The following CELF2 variants were observed in gnomAD, a reference collection of about 807,000 sequenced individuals.
The protein encoded by CELF2 is CUGBP Elav-like family member 2.
In CELF2, 8 loss-of-function variants were observed where a neutral mutation model predicts 62.6. The ratio of observed to expected loss-of-function variants is 0.13; its 90% CI spans 0.07 to 0.23. CELF2 has a LOEUF of 0.23. Ranked by LOEUF, CELF2 falls within the 10% of genes least tolerant of loss-of-function variation. The probability of loss-of-function intolerance (pLI) is 1.00; values close to 1 mark genes in which losing one functional copy is unlikely to be tolerated. For synonymous variants in CELF2, 258 were observed against 250.0 expected, an observed-to-expected ratio of 1.03 and a Z score of -0.30; for missense variants, 333 against 671.0, an observed-to-expected ratio of 0.50 and a Z score of 5.56.
chr10:11,252,987 A>G (rs193280428), intron 4 of CELF2, among the ~76,000 whole-genome samples: 17 of 152,200 alleles, frequency 1.1e-4, no homozygotes, highest in East Asian at 5.8e-4. Context: ...TTCATCCTCT[A>G]TGCCATCCAG....
At position 11,087,180 on chromosome 10, in the gene CELF2, G is replaced by C. The variant is rs527970294; in HGVS notation, c.74+69017G>C. 3.9e-5 allele frequency among the ~76,000 whole-genome samples: 6 copies of C among 152,276 alleles called. No individual in the cohort carries two copies. The South Asian group carries it at 6.2e-4, about 16-fold the overall frequency. On this transcript the variant is annotated intron_variant, in intron 1 of 12. Coordinates refer to ENST00000633077, the MANE Select transcript of CELF2 (RefSeq NM_001326342.2). ...AGAATGTTTGCTGAGTTTGAATTCT[G>C]TTATCTTCCCAGGGTTTATGGACGA...
the CELF2 span, among the ~76,000 whole-genome samples, chr10:10,771,483 G>C: frequency 1.6e-4 from 24 of 152,252 alleles, no homozygotes; most frequent in African/African-American, 5.8e-4. Flanking sequence ...CTGCTGATAC[G>C]GTTTGGCTGT....
chr10:11,200,297 G>A (rs546478927), intron 2 of CELF2, among the ~76,000 whole-genome samples: 49 of 152,250 alleles, frequency 3.2e-4, no homozygotes, highest in African/African-American at 1.1e-3. Context: ...CCTCCATTCT[G>A]TCTATTAATT....
At chr10:10,882,892 T>C (rs2061522541) in intron 1 of CELF2, among the ~76,000 whole-genome samples, 1 of 152,212 alleles carries the variant, frequency 6.6e-6, no homozygotes, top group Non-Finnish European at 1.5e-5. Context: ...GAATCTTCTG[T>C]TATAATAATA....
At chr10:11,072,472 T>C (rs2070403171) in intron 1 of CELF2, among the ~76,000 whole-genome samples, 1 of 152,224 alleles carries the variant, frequency 6.6e-6, no homozygotes, top group South Asian at 2.1e-4. Context: ...CAGTCAGTGC[T>C]CACTTTGTGA....
rs528730408 is a variant in CELF2, at chr10:11,224,758, C to T, written c.354+7251C>T. ...TGAGCGTAACTCAGGAGATGATGTC[C>T]AGGTGAAGTGCGCTCGTGAGTTCGG... On this transcript the variant is annotated intron_variant, in intron 3 of 12. Transcript: ENST00000633077. The surrounding 1 kb of genome is among the most constrained non-coding windows in gnomAD (Gnocchi z 4.5). 6.6e-6 allele frequency among the ~76,000 whole-genome samples: 1 copy of T among 152,180 alleles called. No homozygotes were observed. The highest frequency in any genetic ancestry group is 6.5e-5 in the Admixed American group (1 of 15,270).
At chr10:10,966,737 G>T (rs1040066790) in intron 2 of CELF2, 1 of 152,228 alleles carries the variant, frequency 6.6e-6, no homozygotes, top group African/African-American at 2.4e-5. Flanking sequence ...ACCAGAGGCT[G>T]GCCTGAATCA....
intron 5 of CELF2, among the ~76,000 whole-genome samples, chr10:11,264,456 C>T (rs2081595691): frequency 6.6e-6 from 1 of 152,236 alleles, no homozygotes; most frequent in African/African-American, 2.4e-5. Context: ...ATCTTCTTGA[C>T]TATTAAAAAC....
At chr10:11,256,636 C>A (rs1400564394) in intron 4 of CELF2, among the ~76,000 whole-genome samples, 1 of 129,646 alleles carries the variant, frequency 7.7e-6, no homozygotes, top group African/African-American at 3.0e-5. Flanking sequence ...AGAAGCAGGA[C>A]TTCTCCCCGT....
At chr10:10,846,691 G>A (rs969508948) in intron 1 of CELF2, among the ~76,000 whole-genome samples, 5 of 152,230 alleles carry the variant, frequency 3.3e-5, no homozygotes, top group African/African-American at 1.2e-4. Context: ...TCTACCTAGA[G>A]CTCACATTTA....
chr10:11,002,539 G>T (rs2054622159), upstream of CELF2, among the ~76,000 whole-genome samples: 1 of 152,144 alleles, frequency 6.6e-6, no homozygotes, highest in African/African-American at 2.4e-5. The surrounding 1 kb of genome is among the most constrained non-coding windows in gnomAD (Gnocchi z 4.4). Flanking sequence ...AAAGGGGCAG[G>T]CCCAGCAGTC....
At chr10:10,750,919 C>T in the CELF2 span, among the ~76,000 whole-genome samples, 1 of 152,162 alleles carries the variant, frequency 6.6e-6, no homozygotes, top group Admixed American at 6.5e-5. Flanking sequence ...ATTCTTATTC[C>T]AACTTAGACA....
At chr10:10,691,788 G>A in the CELF2 span, among the ~76,000 whole-genome samples, 1 of 146,510 alleles carries the variant, frequency 6.8e-6, no homozygotes, top group Non-Finnish European at 1.5e-5. Context: ...TGTGTTTTTT[G>A]GCTGCATAAA....
chr10:11,319,637 T>C lies in CELF2; in HGVS notation c.1097-1552T>C, dbSNP rs747167236. Among the ~76,000 whole-genome samples the C allele has an allele frequency of 2.6e-5, 4 of 152,154 alleles. No individual in the cohort carries two copies. The highest frequency in any genetic ancestry group is 6.5e-5 in the Admixed American group (1 of 15,272). ...GCCTCAGCTGGCAACACCTCTGAAC[T>C]GAGCCTGCACTCAGGAGGCTGCCAC... On this transcript the variant is annotated intron_variant, in intron 10 of 12. Coordinates refer to ENST00000633077, the MANE Select transcript of CELF2 (RefSeq NM_001326342.2). This position sits in a 1 kb window ranked among gnomAD's most constrained non-coding sequence, Gnocchi z 4.4.
intron 1 of CELF2, among the ~76,000 whole-genome samples, chr10:11,150,953 G>C (rs1596226237): frequency 6.6e-6 from 1 of 152,164 alleles, no homozygotes; most frequent in Admixed American, 6.5e-5. Flanking sequence ...ATGATTACAG[G>C]TGACTTTTTG....
At chr10:10,793,718 C>T (rs1219662487), upstream of CELF2, among the ~76,000 whole-genome samples, 1 of 152,156 alleles carries the variant, frequency 6.6e-6, no homozygotes, top group African/African-American at 2.4e-5. Context: ...AAAAAGCAAC[C>T]TCCAAAGGGC....
chr10:10,805,334 G>A (rs1427214623), intron 1 of CELF2, among the ~76,000 whole-genome samples: 1 of 152,180 alleles, frequency 6.6e-6, no homozygotes, highest in Admixed American at 6.5e-5. Flanking sequence ...TTGATAAATT[G>A]ACAAGCATGG....
At chr10:10,758,189 G>A in the CELF2 span, among the ~76,000 whole-genome samples, 134 of 152,260 alleles carry the variant, frequency 8.8e-4, no homozygotes, top group Non-Finnish European at 1.6e-3. Context: ...AGTGAAGCAC[G>A]GCTGGAGAGG....
At chr10:10,599,332 T>C in the CELF2 span, among the ~76,000 whole-genome samples, 2 of 152,210 alleles carry the variant, frequency 1.3e-5, no homozygotes, top group Non-Finnish European at 1.5e-5. Flanking sequence ...TTAAAAGAAC[T>C]ATATTCCTCC....
Sources: allele counts gnomAD v4.1 joint callset (sites outside exome capture counted in the v4.1 genomes callset), GRCh38; gene constraint gnomAD v4.1.1; non-coding constraint Gnocchi (gnomAD v3.1); transcripts MANE v1.5; gene names NCBI Gene and HGNC (gene_info 2026-07-23, HGNC 2026-07-21).